The following TRIO variants were observed in gnomAD, a reference collection of about 807,000 sequenced individuals.
The protein encoded by TRIO is triple functional domain protein.
A neutral mutation model predicts 351.9 loss-of-function variants in TRIO; 58 were observed. The observed-to-expected ratio is 0.16, with a 90% CI of 0.13 to 0.21. The LOEUF (loss-of-function observed/expected upper bound fraction) is 0.21. Among genes scored for constraint, TRIO ranks in the 10% least tolerant of loss-of-function variants. The pLI, the probability that TRIO is intolerant of heterozygous loss-of-function variation, is 1.00. For missense variants in TRIO, 3,201 were observed against 4,027.8 expected, an observed-to-expected ratio of 0.79 and a Z score of 5.56; for synonymous variants, 1,758 against 1,595.7, an observed-to-expected ratio of 1.10 and a Z score of -2.42.
chr5:14,178,229 G>C, intron 1 of TRIO, among the ~76,000 whole-genome samples: 1 of 152,156 alleles, frequency 6.6e-6, no homozygotes, highest in East Asian at 1.9e-4. Context: ...ACACCACAAG[G>C]ATTTTTAAGA....
intron 1 of TRIO, among the ~76,000 whole-genome samples, chr5:14,185,559 T>C (rs1256796390): frequency 6.6e-5 from 10 of 152,144 alleles, no homozygotes; most frequent in Non-Finnish European, 1.3e-4. Context: ...CAGAGATGGC[T>C]CCTGGCTGAA....
intron 34 of TRIO, among the ~76,000 whole-genome samples, chr5:14,445,252 G>A (rs983991624): frequency 6.6e-6 from 1 of 152,110 alleles, no homozygotes; most frequent in African/African-American, 2.4e-5. Context: ...AGTGGGGGCT[G>A]GGCAGCCATA....
Position 14,251,545 on chromosome 5 carries a change from C to T in TRIO, c.158-19280C>T, listed in dbSNP as rs1199328603. ...CTGTGCATCTGTTCCTCCCTCTCCA[C>T]AGCCACCTGCAGCCTTGGGGCACCA... On this transcript the variant is annotated intron_variant, in intron 1 of 56. Coordinates refer to ENST00000344204, the MANE Select transcript of TRIO (RefSeq NM_007118.4). Among the ~76,000 whole-genome samples, 5 of 152,366 alleles carry T rather than the reference C, an allele frequency of 3.3e-5. No homozygotes were observed. The East Asian group carries it at 9.6e-4, about 29-fold the overall frequency.
intron 1 of TRIO, among the ~76,000 whole-genome samples, chr5:14,212,581 A>G (rs1791976192): frequency 6.6e-6 from 1 of 152,192 alleles, no homozygotes; most frequent in South Asian, 2.1e-4. Context: ...TGCCAGTAAA[A>G]ATAGCAGAAG....
chr5:14,261,462 C>T (rs1278964333), intron 1 of TRIO, among the ~76,000 whole-genome samples: 4 of 152,218 alleles, frequency 2.6e-5, no homozygotes, highest in African/African-American at 4.8e-5. Context: ...CCTGAGACAG[C>T]AGTGTGGGCT....
At chr5:14,371,815 A>T (rs1745131766) in intron 18 of TRIO, among the ~76,000 whole-genome samples, 1 of 151,320 alleles carries the variant, frequency 6.6e-6, no homozygotes, top group Non-Finnish European at 1.5e-5. Flanking sequence ...TAATTTTTGT[A>T]TTTTTTTGTA....
At chr5:14,349,243 GCA>G (rs769439118) in intron 11 of TRIO, among the ~76,000 whole-genome samples, 5 of 145,454 alleles carry the variant, frequency 3.4e-5, no homozygotes, top group Non-Finnish European at 6.0e-5. Flanking sequence ...GTTTGTGTGT[GCA>G]CACACGTGAG....
chr5:14,253,504 T>C (rs1794859422), intron 1 of TRIO, among the ~76,000 whole-genome samples: 1 of 151,548 alleles, frequency 6.6e-6, no homozygotes, highest in Admixed American at 6.5e-5. Flanking sequence ...AGGTCCCGGC[T>C]GATTTCTTTT....
intron 1 of TRIO, among the ~76,000 whole-genome samples, chr5:14,239,484 C>A (rs188455679): frequency 6.6e-6 from 1 of 152,316 alleles, no homozygotes; most frequent in African/African-American, 2.4e-5. Flanking sequence ...TCACAAACCC[C>A]TAGAGGTGTC....
intron 48 of TRIO, chr5:14,490,847 A>G (rs763784683): frequency 7.0e-5 from 32 of 456,006 alleles, no homozygotes; most frequent in Middle Eastern, 6.5e-4. Context: ...ATATTCTTGG[A>G]AATTTAGCTT....
intron 18 of TRIO, 80 bp downstream of exon 18, chr5:14,369,603 C>T (rs992099825): frequency 1.1e-4 from 168 of 1,479,370 alleles, no homozygotes; most frequent in Non-Finnish European, 1.4e-4. Flanking sequence ...CATCGCTTCC[C>T]AAGGGAGCCT....
At chr5:14,340,011 C>A (rs74955048) in intron 11 of TRIO, among the ~76,000 whole-genome samples, 1 of 152,054 alleles carries the variant, frequency 6.6e-6, no homozygotes, top group Admixed American at 6.6e-5. Flanking sequence ...ATCAGATGAA[C>A]GAAAAATTGC....
At chr5:14,304,945 T>C (rs1173547356) in intron 8 of TRIO, among the ~76,000 whole-genome samples, 1 of 152,208 alleles carries the variant, frequency 6.6e-6, no homozygotes, top group East Asian at 1.9e-4. Context: ...ATGAAACCTT[T>C]TAGAGAAGAT....
chr5:14,183,700 T>C (rs1789933374), intron 1 of TRIO: 1 of 373,166 alleles, frequency 2.7e-6, no homozygotes, highest in Non-Finnish European at 4.9e-6. Flanking sequence ...GATCAAAAAC[T>C]GGAACAAAAC....
intron 1 of TRIO, among the ~76,000 whole-genome samples, chr5:14,220,836 G>A (rs562339735): frequency 1.6e-4 from 24 of 152,350 alleles, no homozygotes; most frequent in African/African-American, 5.3e-4. Context: ...TAACAAAAGT[G>A]CAGGATGAAG....
chr5:14,482,831 ACACTGTTTCCTTTTAATGATGACATAC>A (rs1454902345), intron 46 of TRIO, 58 bp downstream of exon 46: 1 of 1,382,666 alleles, frequency 7.2e-7, no homozygotes, highest in African/African-American at 1.5e-5. Flanking sequence ...TCACACCGAT[ACACTGTTTCCTTTTAATGATGACATAC>A]CCTGATGCTT....
chr5:14,429,261 T>A (rs988445137), intron 34 of TRIO, among the ~76,000 whole-genome samples: 8 of 152,226 alleles, frequency 5.3e-5, no homozygotes, highest in African/African-American at 1.9e-4. Flanking sequence ...GGGCACCTGA[T>A]AACACAGCAG....
chr5:14,281,259 T>C (rs1477449567), intron 3 of TRIO, among the ~76,000 whole-genome samples: 2 of 152,152 alleles, frequency 1.3e-5, no homozygotes, highest in Admixed American at 1.3e-4. Context: ...AGGAAACTTA[T>C]GATCATGGCA....
At chr5:14,317,544 T>G (rs577302692) in intron 9 of TRIO, among the ~76,000 whole-genome samples, 1 of 152,324 alleles carries the variant, frequency 6.6e-6, no homozygotes, top group South Asian at 2.1e-4. Flanking sequence ...GGTTTCCATC[T>G]CCCTGAGTGT....
Sources: allele counts gnomAD v4.1 joint callset (sites outside exome capture counted in the v4.1 genomes callset), GRCh38; gene constraint gnomAD v4.1.1; transcripts MANE v1.5; gene names NCBI Gene and HGNC (gene_info 2026-07-23, HGNC 2026-07-21).